CEP112: variants seen among roughly 807,000 people sequenced by gnomAD.
CEP112 encodes the protein centrosomal protein of 112 kDa.
Under a neutral mutation model 153.0 loss-of-function variants are expected in CEP112, and 127 were observed. That is an observed-to-expected ratio of 0.83 (90% CI 0.72 to 0.96). The LOEUF is 0.96. Ranked by LOEUF, CEP112 falls within the 40% of genes least tolerant of loss-of-function variation. The pLI, the probability that CEP112 is intolerant of heterozygous loss-of-function variation, is 0.00. For missense variants in CEP112, 1,089 were observed against 1,101.2 expected, an observed-to-expected ratio of 0.99 and a Z score of 0.16; for synonymous variants, 358 against 374.4, an observed-to-expected ratio of 0.96 and a Z score of 0.51.
chr17:66,061,569 T>TAC (rs35156012), intron 11 of CEP112, among the ~76,000 whole-genome samples: 134,115 of 146,178 alleles, frequency 0.92, 61,598 homozygotes, highest in South Asian at 0.97. Flanking sequence ...ATGTGATAGA[T>TAC]ACACACACAC....
At chr17:66,025,920 T>TACACACACAC (rs759825168) in intron 16 of CEP112, among the ~76,000 whole-genome samples, 1,608 of 124,572 alleles carry the variant, frequency 0.013, 14 homozygotes, top group African/African-American at 0.016. Flanking sequence ...AAATGTGGCA[T>TACACACACAC]ACACACACAC....
intron 2 of CEP112, among the ~76,000 whole-genome samples, chr17:66,179,630 T>C (rs2072633323): frequency 6.6e-6 from 1 of 152,122 alleles, no homozygotes; most frequent in Non-Finnish European, 1.5e-5. Context: ...ATAGCATCTT[T>C]AAACAAGCAT....
chr17:65,776,558 C>T (rs943071250), intron 21 of CEP112, among the ~76,000 whole-genome samples: 7 of 152,178 alleles, frequency 4.6e-5, no homozygotes, highest in African/African-American at 1.4e-4. Flanking sequence ...ATGTGATCAC[C>T]TTTCTCTTTT....
chr17:65,649,676 G>A (rs2045631760), intron 24 of CEP112, among the ~76,000 whole-genome samples: 2 of 142,732 alleles, frequency 1.4e-5, no homozygotes, highest in African/African-American at 5.3e-5. Flanking sequence ...CTATGTTTGT[G>A]CCACTGCACC....
At chr17:65,689,596 A>T (rs1178548841) in intron 23 of CEP112, among the ~76,000 whole-genome samples, 1 of 152,214 alleles carries the variant, frequency 6.6e-6, no homozygotes, top group African/African-American at 2.4e-5. Context: ...TATCATTGTG[A>T]CGGATAGGAA....
At chr17:66,113,698 C>G (rs1056915352) in intron 6 of CEP112, among the ~76,000 whole-genome samples, 1 of 152,092 alleles carries the variant, frequency 6.6e-6, no homozygotes, top group Non-Finnish European at 1.5e-5. Flanking sequence ...AATGTCTATT[C>G]TAATTTTTTA....
At chr17:66,085,556 T>G (rs970221185) in intron 8 of CEP112, among the ~76,000 whole-genome samples, 2 of 152,228 alleles carry the variant, frequency 1.3e-5, no homozygotes, top group Non-Finnish European at 2.9e-5. Flanking sequence ...ACAGCCTACA[T>G]GCATCAATAG....
intron 17 of CEP112, among the ~76,000 whole-genome samples, chr17:65,971,759 A>G (rs1420621006): frequency 6.6e-6 from 1 of 152,200 alleles, no homozygotes. Flanking sequence ...ACACTAATCA[A>G]AAGAAAGCTG....
chr17:65,654,772 A>T (rs1385299915), intron 24 of CEP112: 2 of 370,260 alleles, frequency 5.4e-6, no homozygotes, highest in Non-Finnish European at 1.0e-5. Flanking sequence ...ACACAGAGGA[A>T]AGACAGAAAA....
chr17:65,905,414 C>T (rs1374128964), intron 19 of CEP112, among the ~76,000 whole-genome samples: 1 of 152,142 alleles, frequency 6.6e-6, no homozygotes, highest in Non-Finnish European at 1.5e-5. Context: ...ACATCTCATG[C>T]CAGTTAGAAT....
intron 12 of CEP112, among the ~76,000 whole-genome samples, chr17:66,050,803 T>A (rs2066407067): frequency 6.6e-6 from 1 of 152,120 alleles, no homozygotes; most frequent in Non-Finnish European, 1.5e-5. Flanking sequence ...TGATTTAGGG[T>A]TATGCTTTCT....
intron 24 of CEP112, among the ~76,000 whole-genome samples, chr17:65,650,189 C>T (rs971003966): frequency 6.6e-6 from 1 of 152,184 alleles, no homozygotes; most frequent in Non-Finnish European, 1.5e-5. Context: ...GGTTTTGCCA[C>T]TGTGTCCATC....
intron 17 of CEP112, among the ~76,000 whole-genome samples, chr17:66,004,388 G>A (rs2064185934): frequency 1.3e-5 from 2 of 152,192 alleles, no homozygotes; most frequent in Non-Finnish European, 2.9e-5. Flanking sequence ...CTACTCAGGA[G>A]GCTGAGGCAG....
intron 20 of CEP112, among the ~76,000 whole-genome samples, chr17:65,900,505 C>T (rs550998645): frequency 2.6e-5 from 4 of 152,246 alleles, no homozygotes; most frequent in South Asian, 4.2e-4. Flanking sequence ...ATGGCAGACA[C>T]GACTCATGCA....
chr17:65,668,536 G>A (rs189171365), intron 24 of CEP112, among the ~76,000 whole-genome samples: 24 of 152,160 alleles, frequency 1.6e-4, no homozygotes, highest in African/African-American at 5.3e-4. Flanking sequence ...ATTCATAACC[G>A]CGAGGGCAGA....
intron 12 of CEP112, among the ~76,000 whole-genome samples, chr17:66,036,454 T>A (rs1029990417): frequency 2.0e-5 from 3 of 152,166 alleles, no homozygotes; most frequent in African/African-American, 7.2e-5. Flanking sequence ...TCTTGCCCAA[T>A]AACCAAGGCT....
At chr17:65,964,507 T>C (rs2062337121) in intron 17 of CEP112, among the ~76,000 whole-genome samples, 1 of 152,224 alleles carries the variant, frequency 6.6e-6, no homozygotes. Flanking sequence ...TATAAAAATA[T>C]CTAAATACTA....
At chr17:66,074,499 G>T (rs868831423) in intron 8 of CEP112, among the ~76,000 whole-genome samples, 1 of 152,108 alleles carries the variant, frequency 6.6e-6, no homozygotes, top group African/African-American at 2.4e-5. Flanking sequence ...GATGCTCAAT[G>T]AACTCTATGC....
At chr17:66,060,178 C>T (rs1186149075) in intron 11 of CEP112, among the ~76,000 whole-genome samples, 1 of 152,074 alleles carries the variant, frequency 6.6e-6, no homozygotes, top group Non-Finnish European at 1.5e-5. Flanking sequence ...TACTGTTGGG[C>T]ACTATGCTCA....
Sources: allele counts gnomAD v4.1 joint callset (sites outside exome capture counted in the v4.1 genomes callset), GRCh38; gene constraint gnomAD v4.1.1; transcripts MANE v1.5; gene names NCBI Gene and HGNC (gene_info 2026-07-23, HGNC 2026-07-21).